PACSIN2: variants seen among roughly 807,000 people sequenced by gnomAD.
PACSIN2 encodes the protein protein kinase C and casein kinase substrate in neurons protein 2.
A neutral mutation model predicts 63.8 loss-of-function variants in PACSIN2; 25 were observed. That is an observed-to-expected ratio of 0.39 (90% CI 0.29 to 0.55). PACSIN2 has a LOEUF of 0.55. PACSIN2 is among the 20% of genes least tolerant of loss of function. The pLI, the probability that PACSIN2 is intolerant of heterozygous loss-of-function variation, is 0.62. For missense variants in PACSIN2, 518 were observed against 646.9 expected, an observed-to-expected ratio of 0.80 and a Z score of 2.16; for synonymous variants, 255 against 256.2, an observed-to-expected ratio of 1.00 and a Z score of 0.05.
intron 1 of PACSIN2, among the ~76,000 whole-genome samples, chr22:43,003,756 G>A (rs1248851144): frequency 1.3e-5 from 2 of 152,158 alleles, no homozygotes; most frequent in Non-Finnish European, 1.5e-5. Flanking sequence ...TTGTCTACCT[G>A]CTCTTTAACA....
intron 1 of PACSIN2, among the ~76,000 whole-genome samples, chr22:42,947,787 G>A (rs940578536): frequency 2.0e-5 from 3 of 152,196 alleles, no homozygotes; most frequent in African/African-American, 7.2e-5. Flanking sequence ...CAGGTTGCAC[G>A]GATCAAATGG....
At chr22:42,964,361 T>A (rs547335534) in intron 1 of PACSIN2, among the ~76,000 whole-genome samples, 84 of 146,004 alleles carry the variant, frequency 5.8e-4, no homozygotes, top group African/African-American at 2.1e-3. Context: ...GAGGTTGCAG[T>A]GAGCCAAGAT....
At chr22:42,881,268 G>A (rs1045918545) in intron 7 of PACSIN2, among the ~76,000 whole-genome samples, 16 of 152,206 alleles carry the variant, frequency 1.1e-4, no homozygotes, top group Non-Finnish European at 1.6e-4. Flanking sequence ...ATAGCCCTGC[G>A]TGGACAAAGT....
chr22:42,976,801 G>C (rs558856351), intron 1 of PACSIN2, among the ~76,000 whole-genome samples: 1 of 152,222 alleles, frequency 6.6e-6, no homozygotes, highest in East Asian at 1.9e-4. Context: ...TATTGTAATT[G>C]TCCTGCCAAT....
At chr22:42,906,238 G>A (rs554702552) in intron 2 of PACSIN2, among the ~76,000 whole-genome samples, 5 of 152,376 alleles carry the variant, frequency 3.3e-5, no homozygotes, top group South Asian at 2.1e-4. Flanking sequence ...GACCAAGGGG[G>A]ACAAAGGACA....
intron 8 of PACSIN2, among the ~76,000 whole-genome samples, chr22:42,877,545 A>G (rs1928737687): frequency 6.6e-6 from 1 of 152,144 alleles, no homozygotes; most frequent in African/African-American, 2.4e-5. Context: ...CTCCAAAATC[A>G]GGGCCAGGGC....
chr22:42,932,868 C>T (rs117240531), intron 1 of PACSIN2, among the ~76,000 whole-genome samples: 2,898 of 152,250 alleles, frequency 0.019, 42 homozygotes, highest in Non-Finnish European at 0.031. Context: ...ACCCCCCTGT[C>T]CACATGCCAC....
intron 1 of PACSIN2, among the ~76,000 whole-genome samples, chr22:42,992,932 G>T (rs577335266): frequency 2.0e-4 from 31 of 152,348 alleles, no homozygotes; most frequent in African/African-American, 7.0e-4. Flanking sequence ...GGGAGGCTGA[G>T]GCGGGCAGAT....
chr22:42,988,245 C>T (rs566234598), intron 1 of PACSIN2, among the ~76,000 whole-genome samples: 18 of 152,316 alleles, frequency 1.2e-4, no homozygotes, highest in Non-Finnish European at 2.1e-4. Context: ...AGAAGATAGT[C>T]TCTGAACACT....
At chr22:42,920,631 G>A (rs76002279) in intron 1 of PACSIN2, among the ~76,000 whole-genome samples, 1,602 of 152,144 alleles carry the variant, frequency 0.011, 28 homozygotes, top group African/African-American at 0.036. Flanking sequence ...GGTGGAGGAC[G>A]TGCTGGAAGA....
At chr22:42,977,486 GTGAAAAAC>G (rs1367970913) in intron 1 of PACSIN2, among the ~76,000 whole-genome samples, 1 of 152,168 alleles carries the variant, frequency 6.6e-6, no homozygotes, top group Non-Finnish European at 1.5e-5. Flanking sequence ...AAACAGAATG[GTGAAAAAC>G]AGTTTTTAGT....
Position 42,891,101 on chromosome 22 carries a change from A to G in PACSIN2, c.299T>C (p.Val100Ala), listed in dbSNP as rs1324950086. 1 of 1,614,014 alleles carries G rather than the reference A, an allele frequency of 6.2e-7. No individual in the cohort carries two copies. Among genetic ancestry groups the G allele is most frequent in the Admixed American group, 1.7e-5 (1 of 60,002 alleles). ...GTCATCGTTCATCAGTGAGGCCTTCACCTCGAGGTGCAGCTCGCTCACCCT... is the reference window on the plus strand; with the variant it reads ...GTCATCGTTCATCAGTGAGGCCTTCGCCTCGAGGTGCAGCTCGCTCACCCT... Reference protein sequence around the residue: ...AERVSELHLEVKASLMNDDFE... With the variant: ...AERVSELHLEAKASLMNDDFE... Residue 100 changes from valine to alanine, a missense_variant, in exon 4 of 11, where the codon GTG becomes GCG. Physicochemically the swap from Val to Ala is moderately conservative, Grantham distance 64. Transcript: ENST00000263246.
chr22:42,871,506 A>ACGACGG lies in PACSIN2; in HGVS notation c.1349-38_1349-37insCCGTCG. On this transcript the variant is annotated intron_variant, in intron 10 of 10. Coordinates refer to ENST00000263246, the MANE Select transcript of PACSIN2 (RefSeq NM_001184970.3). The surrounding 1 kb of genome is among the most constrained non-coding windows in gnomAD (Gnocchi z 5.4). ...AGAGGGAGCCGTCTCCATGAGAGGT[A>ACGACGG]TGACACCGACGGTGGGCTACAGAGC... 1 of 1,484,832 alleles carries ACGACGG rather than the reference A, an allele frequency of 6.7e-7. No homozygotes were observed. 92.0% of individuals were successfully genotyped at this position (1,484,832 alleles called of 1,614,324 possible).
In PACSIN2 at chr22:42,895,209, G is replaced by A. The variant is rs192170586; in HGVS notation, c.61-1596C>T. ...CTAGAGCAGCTCCTGTGAGGAAGTCGGAAGTGAGCATTTTCACAGCTCACT... is the reference window on the plus strand; with the variant it reads ...CTAGAGCAGCTCCTGTGAGGAAGTCAGAAGTGAGCATTTTCACAGCTCACT... On this transcript the variant is annotated intron_variant, in intron 2 of 10. Coordinates refer to ENST00000263246, the MANE Select transcript of PACSIN2 (RefSeq NM_001184970.3). 6.6e-5 allele frequency among the ~76,000 whole-genome samples: 10 copies of A among 152,334 alleles called. No individual in the cohort carries two copies. In the East Asian group the frequency reaches 9.6e-4, roughly 15 times the overall value.
At chr22:42,986,887 T>C (rs1922654898) in intron 1 of PACSIN2, among the ~76,000 whole-genome samples, 1 of 152,184 alleles carries the variant, frequency 6.6e-6, no homozygotes, top group Non-Finnish European at 1.5e-5. Flanking sequence ...TCTCTTCTGC[T>C]TAAAAGCCTT....
chr22:42,944,710 A>G (rs942501237), intron 1 of PACSIN2, among the ~76,000 whole-genome samples: 3 of 152,250 alleles, frequency 2.0e-5, no homozygotes, highest in Non-Finnish European at 4.4e-5. Context: ...CATCCGTTAC[A>G]GAGAACTAGC....
Position 42,888,773 on chromosome 22 carries a change from T to C in PACSIN2, c.479A>G (p.His160Arg). 1 of 1,614,198 alleles carries C rather than the reference T, an allele frequency of 6.2e-7. No homozygotes were observed. Among genetic ancestry groups the C allele is most frequent in the Non-Finnish European group, 8.5e-7 (1 of 1,180,022 alleles). ...CAGCTTCTCCTCTTTGCACGCTGCA[T>C]GGTGGGCTTTCTTTGCTGCTTCTAC... Reference protein sequence around the residue: ...KEVEAAKKAHHAACKEEKLAI... With the variant: ...KEVEAAKKAHRAACKEEKLAI... Residue 160 changes from histidine (H) to arginine (R), a missense_variant, in exon 5 of 11, where the codon CAT becomes CGT. This residue lies in a region of PACSIN2 where 507 missense variants were observed against 612.3 expected (regional missense o/e 0.83). Transcript: ENST00000263246.
chr22:42,904,818 C>A (rs1569249660), intron 2 of PACSIN2, among the ~76,000 whole-genome samples: 1 of 152,336 alleles, frequency 6.6e-6, no homozygotes, highest in African/African-American at 2.4e-5. Context: ...CCAGTCCCCA[C>A]TAGTGGAATG....
intron 1 of PACSIN2, among the ~76,000 whole-genome samples, chr22:42,936,001 C>T (rs1011611391): frequency 1.3e-5 from 2 of 151,990 alleles, no homozygotes; most frequent in Non-Finnish European, 2.9e-5. Context: ...ATCACAAGGT[C>T]AGGAGATCGA....
Sources: gnomAD v4.1 joint callset for allele counts (sites outside exome capture counted in the v4.1 genomes callset) on GRCh38, gnomAD v4.1.1 for gene constraint, gnomAD v4.1.1 regional missense constraint, Gnocchi (gnomAD v3.1) non-coding constraint, MANE v1.5 for transcripts, NCBI Gene and HGNC (gene_info 2026-07-23, HGNC 2026-07-21) for gene names.